Variants in SNTG1 observed in about 807,000 individuals in gnomAD.
SNTG1 encodes the protein syntrophin gamma 1.
A neutral mutation model predicts 74.7 loss-of-function variants in SNTG1; 39 were observed. That is an observed-to-expected ratio of 0.52 (90% CI 0.40 to 0.68). The LOEUF is 0.68. Ranked by LOEUF, SNTG1 falls within the 30% of genes least tolerant of loss-of-function variation. The pLI, the probability that SNTG1 is intolerant of heterozygous loss-of-function variation, is 0.00. For missense variants in SNTG1, 685 were observed against 609.5 expected (o/e 1.12, Z -1.30); for synonymous variants, 254 against 217.1 (o/e 1.17, Z -1.49).
intron 17 of SNTG1, among the ~76,000 whole-genome samples, chr8:50,730,643 G>GT (rs2131619284): frequency 6.6e-6 from 1 of 152,278 alleles, no homozygotes; most frequent in Non-Finnish European, 1.5e-5. Context: ...ATAAGGATAT[G>GT]TTGTCTCAAA....
At chr8:50,786,270 A>C (rs550233336) in intron 18 of SNTG1, among the ~76,000 whole-genome samples, 18 of 152,026 alleles carry the variant, frequency 1.2e-4, no homozygotes, top group Non-Finnish European at 2.1e-4. Context: ...AATTTCATTT[A>C]TAACAGTATC....
chr8:50,003,708 G>C (rs937629219), intron 1 of SNTG1, among the ~76,000 whole-genome samples: 1 of 152,088 alleles, frequency 6.6e-6, no homozygotes, highest in Non-Finnish European at 1.5e-5. Context: ...GTTCTCTCAA[G>C]AGGATCTGCT....
At chr8:50,736,675 A>G (rs2095529661) in intron 17 of SNTG1, among the ~76,000 whole-genome samples, 2 of 152,074 alleles carry the variant, frequency 1.3e-5, no homozygotes, top group Non-Finnish European at 2.9e-5. Context: ...CAAGATTGGA[A>G]GAAAAAACAC....
In SNTG1 at chr8:50,756,863, G is replaced by C. The variant is rs192874824; in HGVS notation, c.1395+4752G>C. ...TCTGTAGTTCAAGTTTGGAAGAACT[G>C]ACATCCAGACAATATTGAGTCTCCC... On this transcript the variant is annotated intron_variant, in intron 18 of 18. Transcript: ENST00000642720. Among the ~76,000 whole-genome samples the C allele has an allele frequency of 4.6e-5, 7 of 151,782 alleles. No individual in the cohort carries two copies. The East Asian group carries it at 1.4e-3, about 30-fold the overall frequency.
intron 12 of SNTG1, among the ~76,000 whole-genome samples, chr8:50,557,659 G>A (rs991354457): frequency 1.7e-4 from 26 of 152,170 alleles, no homozygotes; most frequent in African/African-American, 6.0e-4. Flanking sequence ...ATTGGTCCCA[G>A]GGCCCACTCA....
At chr8:50,390,562 G>T (rs1232603330) in intron 2 of SNTG1, among the ~76,000 whole-genome samples, 1 of 152,168 alleles carries the variant, frequency 6.6e-6, no homozygotes, top group Non-Finnish European at 1.5e-5. Context: ...GCTCTTGTTT[G>T]CTTCCATATG....
At chr8:50,660,857 T>C (rs2095219311) in intron 15 of SNTG1, among the ~76,000 whole-genome samples, 1 of 152,158 alleles carries the variant, frequency 6.6e-6, no homozygotes, top group African/African-American at 2.4e-5. Flanking sequence ...TTGACAAAGA[T>C]TATGCAATTC....
intron 2 of SNTG1, among the ~76,000 whole-genome samples, chr8:50,365,112 T>C (rs1210735364): frequency 6.6e-6 from 1 of 152,120 alleles, no homozygotes; most frequent in East Asian, 1.9e-4. Context: ...CATGTGAGAG[T>C]CAATTAATTT....
At chr8:50,502,722 A>G (rs890864314) in intron 8 of SNTG1, 56 bp from the exon 9 acceptor site, 8 of 1,402,430 alleles carry the variant, frequency 5.7e-6, no homozygotes, top group African/African-American at 4.3e-5. Context: ...AGGCTTTGCC[A>G]TCATATAACA....
chr8:50,450,789 A>G (rs2093449523), intron 8 of SNTG1, 60 bp downstream of exon 8: 15 of 1,510,028 alleles, frequency 9.9e-6, no homozygotes, highest in Non-Finnish European at 1.3e-5. Context: ...AATTTAGTGC[A>G]TTGCTAAAGA....
Position 50,169,612 on chromosome 8 carries a change from G to A in SNTG1, c.-102-2949G>A, listed in dbSNP as rs553442232. 1.4e-4 allele frequency among the ~76,000 whole-genome samples: 21 copies of A among 152,240 alleles called. No individual in the cohort carries two copies. The South Asian group carries it at 1.5e-3, about 11-fold the overall frequency. Reference sequence around the variant, plus strand: ...TTGGATAGAAACTTAAAATCCCTCCGTTATTCTAGTTCCTTGTTAAGTAAT... The same window carrying A: ...TTGGATAGAAACTTAAAATCCCTCCATTATTCTAGTTCCTTGTTAAGTAAT... On this transcript the variant is annotated intron_variant, in intron 1 of 18. Coordinates refer to ENST00000642720, the MANE Select transcript of SNTG1 (RefSeq NM_018967.5).
intron 1 of SNTG1, among the ~76,000 whole-genome samples, chr8:50,069,349 T>C (rs1821160256): frequency 6.6e-6 from 1 of 152,118 alleles, no homozygotes; most frequent in South Asian, 2.1e-4. Flanking sequence ...GGCTTTTCTA[T>C]TCTAGAATGC....
chr8:49,956,216 A>G (rs552413731), intron 1 of SNTG1, among the ~76,000 whole-genome samples: 1 of 152,358 alleles, frequency 6.6e-6, no homozygotes, highest in South Asian at 2.1e-4. Context: ...GCAAAGACAT[A>G]ATTTAAGCAT....
At chr8:50,489,394 A>G (rs2131869202) in intron 8 of SNTG1, among the ~76,000 whole-genome samples, 1 of 152,314 alleles carries the variant, frequency 6.6e-6, no homozygotes, top group South Asian at 2.1e-4. Context: ...TCCCACCAAC[A>G]GTGTAAAAGT....
intron 12 of SNTG1, 71 bp from the exon 13 acceptor site, chr8:50,590,808 C>A: frequency 1.0e-6 from 1 of 955,452 alleles, no homozygotes; most frequent in Non-Finnish European, 1.6e-6. Flanking sequence ...AAATAATCTG[C>A]ATAAAATTCT....
At chr8:50,093,921 G>T (rs2079835636) in intron 1 of SNTG1, among the ~76,000 whole-genome samples, 1 of 152,164 alleles carries the variant, frequency 6.6e-6, no homozygotes, top group Non-Finnish European at 1.5e-5. Flanking sequence ...AGATTCTAGT[G>T]TGGTTAACTT....
Position 50,593,095 on chromosome 8 carries a change from T to TC in SNTG1, c.849+2178_849+2179insC, listed in dbSNP as rs1267684078. On this transcript the variant is annotated intron_variant, in intron 13 of 18. Transcript: ENST00000642720. ...TCCCTCATATTCCTGATGTTCTAGGTATCAAAACAGAAATTAAAAGTCACC... is the reference window on the plus strand; with the variant it reads ...TCCCTCATATTCCTGATGTTCTAGGTCATCAAAACAGAAATTAAAAGTCACC... Among the ~76,000 whole-genome samples the TC allele has an allele frequency of 4.2e-3, 644 of 152,298 alleles. 9 individuals are homozygous for TC. Among genetic ancestry groups the TC allele is most frequent in the African/African-American group, 0.014 (582 of 41,568 alleles).
intron 8 of SNTG1, among the ~76,000 whole-genome samples, chr8:50,495,346 C>T (rs2623221): frequency 0.6 from 90,460 of 151,984 alleles, 31,269 homozygotes; most frequent in Non-Finnish European, 0.77. Context: ...ATTATGTTGA[C>T]GATAATCTGA....
At chr8:49,957,192 G>T (rs938583839) in intron 1 of SNTG1, among the ~76,000 whole-genome samples, 8 of 152,136 alleles carry the variant, frequency 5.3e-5, no homozygotes, top group Admixed American at 3.9e-4. Flanking sequence ...TTCATGTGGG[G>T]ATCCTGAAGA....
Sources: gnomAD v4.1 joint callset for allele counts (sites outside exome capture counted in the v4.1 genomes callset) on GRCh38, gnomAD v4.1.1 for gene constraint, MANE v1.5 for transcripts, NCBI Gene and HGNC (gene_info 2026-07-23, HGNC 2026-07-21) for gene names.